ANKRD46: variants seen among roughly 807,000 people sequenced by gnomAD.
The protein encoded by ANKRD46 is ankyrin repeat domain 46.
ANKRD46 carries 13 observed loss-of-function variants against 19.8 expected under a neutral mutation model. The observed-to-expected ratio is 0.66, with a 90% confidence interval of 0.43 to 1.04. The LOEUF is 1.04. Ranked by LOEUF, ANKRD46 falls within the 50% of genes least tolerant of loss-of-function variation. The pLI, the probability that ANKRD46 is intolerant of heterozygous loss-of-function variation, is 0.00. For missense variants in ANKRD46, 185 were observed against 274.8 expected (o/e 0.67, Z 2.31); for synonymous variants, 91 against 106.9 (o/e 0.85, Z 0.92).
chr8:100,523,096 G>A (rs1473954235), intron 4 of ANKRD46, among the ~76,000 whole-genome samples: 4 of 151,980 alleles, frequency 2.6e-5, no homozygotes, highest in Non-Finnish European at 2.9e-5. Context: ...TGCAGGCCAA[G>A]GAGGGAGGAT....
intron 1 of ANKRD46, among the ~76,000 whole-genome samples, chr8:100,556,377 T>G (rs1227834856): frequency 2.0e-5 from 3 of 152,200 alleles, no homozygotes; most frequent in Admixed American, 6.5e-5. Context: ...CACGCTTTAT[T>G]GGTTTAGAAA....
chr8:100,520,093 G>A (rs1413144474), downstream of ANKRD46, among the ~76,000 whole-genome samples: 2 of 152,166 alleles, frequency 1.3e-5, no homozygotes, highest in African/African-American at 4.8e-5. Context: ...ATAAAACTGA[G>A]TGTGGTAAGT....
chr8:100,527,807 G>A lies in ANKRD46; in HGVS notation c.470+38C>T. 1 of 1,597,814 alleles carries A rather than the reference G, an allele frequency of 6.3e-7. No homozygotes were observed. ...TTGAGCCCAGGAGTTCAAGGAATGA[G>A]TAATACAGTGAGAAAAAAAAAGTTG... On this transcript the variant is annotated intron_variant, in intron 4 of 4. Coordinates refer to ENST00000335659, the MANE Select transcript of ANKRD46 (RefSeq NM_001270377.2). This position sits in a 1 kb window ranked among gnomAD's most constrained non-coding sequence, Gnocchi z 4.0.
At position 100,541,975 on chromosome 8, in the gene ANKRD46, A is replaced by G. The variant is rs79695428; in HGVS notation, c.-130-8664T>C. ...GCCTGGGTGTGCAGTAGGCTCTTGT[A>G]TCTAGGTTTGGGTAGTAAGTACACT... On this transcript the variant is annotated intron_variant, in intron 1 of 4. Transcript: ENST00000335659. 4.4e-3 allele frequency among the ~76,000 whole-genome samples: 672 copies of G among 152,274 alleles called. 2 individuals are homozygous for G. Among genetic ancestry groups the G allele is most frequent in the African/African-American group, 0.015 (619 of 41,566 alleles).
chr8:100,526,359 TG>T (rs1191363592), intron 4 of ANKRD46, among the ~76,000 whole-genome samples: 3 of 152,268 alleles, frequency 2.0e-5, no homozygotes, highest in African/African-American at 7.2e-5. Flanking sequence ...CATTCTTGGT[TG>T]TTTTTCATGG....
chr8:100,540,582 T>C (rs892238885), intron 1 of ANKRD46, among the ~76,000 whole-genome samples: 37 of 152,192 alleles, frequency 2.4e-4, no homozygotes. Context: ...AACACCTAAA[T>C]TTTTCTTTCT....
At chr8:100,541,732 C>T (rs570486098) in intron 1 of ANKRD46, among the ~76,000 whole-genome samples, 1 of 152,248 alleles carries the variant, frequency 6.6e-6, no homozygotes, top group African/African-American at 2.4e-5. Context: ...GATTCACTGT[C>T]GAAATACAAA....
intron 4 of ANKRD46, 58 bp from the exon 5 acceptor site, chr8:100,522,829 T>A (rs1811755856): frequency 1.4e-6 from 2 of 1,424,984 alleles, no homozygotes; most frequent in East Asian, 2.4e-5. Flanking sequence ...TCCAAAAACA[T>A]AAAACCACAG....
Position 100,541,612 on chromosome 8 carries a change from A to T in ANKRD46, c.-130-8301T>A, listed in dbSNP as rs1454110973. On this transcript the variant is annotated intron_variant, in intron 1 of 4. Coordinates refer to ENST00000335659, the MANE Select transcript of ANKRD46 (RefSeq NM_001270377.2). ...TAGAGCTGGAAGGCCATCCAACATCATTTAACTCAATCTCATTATTTTACA... is the reference window on the plus strand; with the variant it reads ...TAGAGCTGGAAGGCCATCCAACATCTTTTAACTCAATCTCATTATTTTACA... 2.6e-5 allele frequency among the ~76,000 whole-genome samples: 4 copies of T among 152,200 alleles called. No homozygotes were observed. The East Asian group carries it at 7.7e-4, about 29-fold the overall frequency.
At chr8:100,530,720 TAACA>T (rs1811943999) in intron 2 of ANKRD46, among the ~76,000 whole-genome samples, 2 of 152,180 alleles carry the variant, frequency 1.3e-5, no homozygotes, top group Non-Finnish European at 2.9e-5. Flanking sequence ...CTAAGGAATG[TAACA>T]AACTGAATTT....
In ANKRD46 at chr8:100,543,164, T is replaced by G. The variant is rs1812208238; in HGVS notation, c.-130-9853A>C. Among the ~76,000 whole-genome samples, 1 of 152,158 alleles carries G rather than the reference T, an allele frequency of 6.6e-6. No homozygotes were observed. Among genetic ancestry groups the G allele is most frequent in the Admixed American group, 6.5e-5 (1 of 15,274 alleles). On this transcript the variant is annotated intron_variant, in intron 1 of 4. Coordinates refer to ENST00000335659, the MANE Select transcript of ANKRD46 (RefSeq NM_001270377.2). This position sits in a 1 kb window ranked among gnomAD's most constrained non-coding sequence, Gnocchi z 4.2. ...ATTGTCAAAGACTATGGATCTTAAG[T>G]TTTAATAGCTACATAGCTCTTCCAG...
chr8:100,531,086 C>T (rs118103022), intron 2 of ANKRD46, among the ~76,000 whole-genome samples: 3 of 152,284 alleles, frequency 2.0e-5, no homozygotes, highest in Non-Finnish European at 4.4e-5. Context: ...TACCAAACTG[C>T]ATACAACTAG....
intron 5 of ANKRD46, among the ~76,000 whole-genome samples, chr8:100,515,287 T>C (rs62515175): frequency 0.058 from 8,845 of 152,288 alleles, 337 homozygotes; most frequent in Non-Finnish European, 0.074. Flanking sequence ...TGTGGTAACA[T>C]CATGCCTGCT....
rs1811751958 is a variant in ANKRD46 at position 100,522,722 on chromosome 8, C to CACGTGG, written c.519_520insCCACGT (p.Glu173_Gly174insProArg). 1 of 1,613,982 alleles carries CACGTGG rather than the reference C, an allele frequency of 6.2e-7. No individual in the cohort carries two copies. The highest frequency in any genetic ancestry group is 8.5e-7 in the Non-Finnish European group (1 of 1,180,058). On this transcript the variant is annotated inframe_insertion, in exon 5 of 5. Transcript: ENST00000335659. ...GTGGTTCGGAAGCTGGAGAGGACTC[C>CACGTGG]TTCACCTTGCTGCAGGTTGGGATTG...
downstream of ANKRD46, among the ~76,000 whole-genome samples, chr8:100,516,857 G>T (rs1811643321): frequency 6.6e-6 from 1 of 152,182 alleles, no homozygotes; most frequent in Admixed American, 6.5e-5. Context: ...TTCCTTTATA[G>T]ATCCAATGGT....
intron 3 of ANKRD46, 29 bp from the exon 4 acceptor site, chr8:100,528,032 AT>A: frequency 1.3e-6 from 2 of 1,489,868 alleles, no homozygotes; most frequent in Non-Finnish European, 1.8e-6. Flanking sequence ...AAAAAAGTTT[AT>A]AAAAATAAAG....
intron 1 of ANKRD46, among the ~76,000 whole-genome samples, chr8:100,542,364 G>C (rs562270593): frequency 1.8e-4 from 27 of 152,206 alleles, no homozygotes; most frequent in African/African-American, 6.0e-4. Context: ...AGATGCCTTA[G>C]TCAAACTGTA....
chr8:100,548,877 A>C (rs1471679808), intron 1 of ANKRD46, among the ~76,000 whole-genome samples: 2 of 152,230 alleles, frequency 1.3e-5, no homozygotes, highest in Non-Finnish European at 2.9e-5. Context: ...ACATCTTTTA[A>C]TGTCTGAGAA....
At chr8:100,516,954 C>G (rs1477987907), downstream of ANKRD46, among the ~76,000 whole-genome samples, 2 of 152,084 alleles carry the variant, frequency 1.3e-5, no homozygotes, top group Non-Finnish European at 2.9e-5. Context: ...GACAAGAGAC[C>G]CCGGTCCCAT....
Sources: gnomAD v4.1 joint callset for allele counts (sites outside exome capture counted in the v4.1 genomes callset) on GRCh38, gnomAD v4.1.1 for gene constraint, Gnocchi (gnomAD v3.1) non-coding constraint, MANE v1.5 for transcripts, NCBI Gene and HGNC (gene_info 2026-07-23, HGNC 2026-07-21) for gene names.